TAF5L: variants seen among roughly 807,000 people sequenced by gnomAD.
The protein encoded by TAF5L is TATA-box binding protein associated factor 5 like, also known as TAF5-like RNA polymerase II p300/CBP-associated factor-associated factor 65 kDa subunit 5L.
Under a neutral mutation model 51.3 loss-of-function variants are expected in TAF5L, and 7 were observed. The observed-to-expected ratio is 0.14, with a 90% CI of 0.08 to 0.26. The LOEUF (loss-of-function observed/expected upper bound fraction) is 0.26, where lower values mean the gene tolerates loss of function less well. Among genes scored for constraint, TAF5L ranks in the 10% least tolerant of loss-of-function variants. The probability of loss-of-function intolerance (pLI) is 1.00; values close to 1 mark genes in which losing one functional copy is unlikely to be tolerated. For missense variants in TAF5L, 575 were observed against 758.9 expected, an observed-to-expected ratio of 0.76 and a Z score of 2.85; for synonymous variants, 291 against 308.1, an observed-to-expected ratio of 0.94 and a Z score of 0.58.
intron 1 of TAF5L, among the ~76,000 whole-genome samples, chr1:229,622,673 C>A (rs1262292760): frequency 6.6e-6 from 1 of 152,212 alleles, no homozygotes; most frequent in East Asian, 1.9e-4. Context: ...TGCAGTGGCA[C>A]AATCACAGCT....
intron 3 of TAF5L, among the ~76,000 whole-genome samples, chr1:229,603,603 T>C (rs1664472167): frequency 6.6e-6 from 1 of 152,244 alleles, no homozygotes; most frequent in South Asian, 2.1e-4. Flanking sequence ...CATTCTGATT[T>C]TGTTGGTTAA....
At chr1:229,607,352 C>G in intron 3 of TAF5L, 1 of 985,422 alleles carries the variant, frequency 1.0e-6, no homozygotes, top group Non-Finnish European at 1.2e-6. Flanking sequence ...CCTGCCATTC[C>G]TCTTACAAAT....
rs770515719 is a variant in TAF5L at position 229,602,584 on chromosome 1, T to C, written c.583A>G (p.Ile195Val). 43 of 1,614,138 alleles carry C rather than the reference T, an allele frequency of 2.7e-5. No homozygotes were observed. The highest frequency in any genetic ancestry group is 3.6e-5 in the Non-Finnish European group (43 of 1,180,018). Residue 195 changes from isoleucine (I) to valine (V), a missense_variant, in exon 4 of 5, where the codon ATT (isoleucine) becomes GTT (valine). Physicochemically the swap from Ile to Val is conservative, Grantham distance 29 (BLOSUM62 3). Transcript: ENST00000258281. The surrounding 1 kb of genome is among the most constrained non-coding windows in gnomAD (Gnocchi z 4.6). The stretch of plus-strand genomic sequence containing the variant: ...TTGGCAGGCTGCACGTCAAGATGAA[T>C]ATGTAAGGTGAGGACTTTGCACAGG...
chr1:229,621,799 A>G (rs1027372150), intron 1 of TAF5L, among the ~76,000 whole-genome samples: 4 of 152,244 alleles, frequency 2.6e-5, no homozygotes, highest in Non-Finnish European at 4.4e-5. Flanking sequence ...TTCACTAAAG[A>G]AATTCACTCC....
At position 229,594,384 on chromosome 1, in the gene TAF5L, C is replaced by T; in HGVS notation, c.1683G>A (p.Gly561=). The T allele has an allele frequency of 1.2e-6, 2 of 1,614,174 alleles. No individual in the cohort carries two copies. Among genetic ancestry groups the T allele is most frequent in the South Asian group, 1.1e-5 (1 of 91,076 alleles). ...GCACGCTCAGGACGTTGCTCATCTGCCCGGTGTACACGCCCACGAGCTCGC... is the reference window on the plus strand; with the variant it reads ...GCACGCTCAGGACGTTGCTCATCTGTCCGGTGTACACGCCCACGAGCTCGC... Residue 561 remains glycine, a synonymous_variant, in exon 5 of 5, where the codon GGG becomes GGA. Transcript: ENST00000258281. This position sits in a 1 kb window ranked among gnomAD's most constrained non-coding sequence, Gnocchi z 7.9.
chr1:229,607,007 T>C (rs1352890118), intron 3 of TAF5L: 1 of 985,312 alleles, frequency 1.0e-6, no homozygotes, highest in African/African-American at 1.7e-5. Context: ...ATGCTACATG[T>C]TCTTTATTAC....
chr1:229,600,346 G>C (rs545238757), intron 4 of TAF5L: 1 of 985,252 alleles, frequency 1.0e-6, no homozygotes, highest in Non-Finnish European at 1.2e-6. Flanking sequence ...AAGGGCAGAG[G>C]TTAGCTAGCA....
chr1:229,597,618 G>A (rs1016991618), intron 4 of TAF5L, among the ~76,000 whole-genome samples: 5 of 152,124 alleles, frequency 3.3e-5, no homozygotes, highest in South Asian at 2.1e-4. Flanking sequence ...CTCTCCTGCC[G>A]ACAGGATAAT....
chr1:229,604,441 C>T (rs561662237), intron 3 of TAF5L, among the ~76,000 whole-genome samples: 2 of 152,060 alleles, frequency 1.3e-5, no homozygotes, highest in African/African-American at 2.4e-5. Flanking sequence ...AGCCACCCAG[C>T]CACTTTGGGC....
At chr1:229,617,339 A>C (rs576769594) in intron 1 of TAF5L, among the ~76,000 whole-genome samples, 1 of 152,332 alleles carries the variant, frequency 6.6e-6, no homozygotes, top group South Asian at 2.1e-4. Context: ...GTGTGGCCCA[A>C]AGTCAAGACG....
chr1:229,611,064 A>G (rs138398919), intron 2 of TAF5L, among the ~76,000 whole-genome samples: 2,251 of 152,216 alleles, frequency 0.015, 28 homozygotes, highest in Middle Eastern at 0.037. Flanking sequence ...CAGGGTGACC[A>G]GGGTGAGCAA....
chr1:229,614,958 G>A (rs1664925186), intron 1 of TAF5L, among the ~76,000 whole-genome samples: 1 of 152,208 alleles, frequency 6.6e-6, no homozygotes, highest in Admixed American at 6.5e-5. Flanking sequence ...TGGATAAATA[G>A]ATGTTAACAA....
chr1:229,595,407 T>C (rs747065877), intron 4 of TAF5L, among the ~76,000 whole-genome samples: 1 of 152,222 alleles, frequency 6.6e-6, no homozygotes, highest in Non-Finnish European at 1.5e-5. Context: ...TACCCTTTGA[T>C]TGAGGATAGC....
At chr1:229,623,459 C>G (rs1665298591) in intron 1 of TAF5L, among the ~76,000 whole-genome samples, 1 of 152,150 alleles carries the variant, frequency 6.6e-6, no homozygotes, top group Non-Finnish European at 1.5e-5. Flanking sequence ...CCTCAGGGGC[C>G]CTCCAGTAGT....
At position 229,614,162 on chromosome 1, in the gene TAF5L, C is replaced by G. The variant is rs1316789731; in HGVS notation, c.142+179G>C. On this transcript the variant is annotated intron_variant, in intron 2 of 4. Coordinates refer to ENST00000258281, the Ensembl canonical transcript of TAF5L. The stretch of plus-strand genomic sequence containing the variant: ...CAGAAGTGACAATGTGAGCACCGCT[C>G]TAAATGACAGACAGGGTCTCTGAGG... 7.1e-6 allele frequency: 7 copies of G among 984,208 alleles called. No individual in the cohort carries two copies. In the Admixed American group the frequency reaches 1.2e-4, roughly 17 times the overall value. The allele number at this position is 984,208 out of a possible 1,614,324, so 61.0% of individuals were successfully genotyped here.
In TAF5L at chr1:229,611,871, C is replaced by A. The variant is rs970582773; in HGVS notation, c.143-1661G>T. 2.0e-5 allele frequency among the ~76,000 whole-genome samples: 3 copies of A among 152,198 alleles called. No individual in the cohort carries two copies. The East Asian group carries it at 5.8e-4, about 29-fold the overall frequency. On this transcript the variant is annotated intron_variant, in intron 2 of 4. Coordinates refer to ENST00000258281, the Ensembl canonical transcript of TAF5L. ...TGGTTCCTTTGCAACTCAGCTCACT[C>A]TTTCAACTATTTAGTGACCCCCAAC...
In TAF5L at chr1:229,600,175, T is replaced by C. The variant is rs189360664; in HGVS notation, c.972+2020A>G. The C allele has an allele frequency of 4.7e-3, 4,642 of 985,456 alleles. 11 individuals carry two copies. Among genetic ancestry groups the C allele is most frequent in the Non-Finnish European group, 5.3e-3 (4,363 of 829,928 alleles). 61.0% of individuals were successfully genotyped at this position (985,456 alleles called of 1,614,324 possible). On this transcript the variant is annotated intron_variant, in intron 4 of 4. Coordinates refer to ENST00000258281, the Ensembl canonical transcript of TAF5L. The stretch of plus-strand genomic sequence containing the variant: ...TAAACACCAACTATCGTAACTAATT[T>C]ATGCCTGGCTTTCTCCCCAAATGCT...
At chr1:229,606,625 A>T (rs1176509620) in intron 3 of TAF5L, 33 of 985,050 alleles carry the variant, frequency 3.4e-5, no homozygotes, top group Non-Finnish European at 3.9e-5. Flanking sequence ...TCCTGTCGTC[A>T]CTCCCTTTTT....
At chr1:229,612,204 T>C (rs1664815454) in intron 2 of TAF5L, among the ~76,000 whole-genome samples, 1 of 152,264 alleles carries the variant, frequency 6.6e-6, no homozygotes, top group African/African-American at 2.4e-5. Context: ...CAAAATCTTC[T>C]GATAATCATA....
Sources: gnomAD v4.1 joint callset for allele counts (sites outside exome capture counted in the v4.1 genomes callset) on GRCh38, gnomAD v4.1.1 for gene constraint, Gnocchi (gnomAD v3.1) non-coding constraint, MANE v1.5 for transcripts, NCBI Gene and HGNC (gene_info 2026-07-23, HGNC 2026-07-21) for gene names.